Variants in DMD observed in about 807,000 individuals in gnomAD.
DMD encodes the protein mutant dystrophin.
In DMD, 63 loss-of-function variants were observed where a neutral mutation model predicts 330.1. The ratio of observed to expected loss-of-function variants is 0.19; its 90% CI spans 0.16 to 0.24. The LOEUF (loss-of-function observed/expected upper bound fraction) is 0.24. Ranked by LOEUF, DMD falls within the 10% of genes least tolerant of loss-of-function variation. The pLI, the probability that DMD is intolerant of heterozygous loss-of-function variation, is 1.00. For synonymous variants in DMD, 1,223 were observed against 959.8 expected (o/e 1.27, Z -5.07); for missense variants, 3,344 against 2,684.1 (o/e 1.25, Z -5.43).
intron 50 of DMD, among the ~76,000 whole-genome samples, chrX:31,801,209 A>G (rs1468720587): frequency 8.9e-6 from 1 of 111,734 alleles, no homozygotes; most frequent in Non-Finnish European, 1.9e-5. Context: ...ACTTACAATC[A>G]TGGAGGAAGG....
intron 17 of DMD, among the ~76,000 whole-genome samples, chrX:32,531,199 G>T (rs2047445876): frequency 9.0e-6 from 1 of 111,631 alleles, no homozygotes; most frequent in African/African-American, 3.3e-5. Context: ...CTGTTAAAAT[G>T]CCTTCAGCCA....
intron 7 of DMD, among the ~76,000 whole-genome samples, chrX:32,699,563 G>A (rs942688408): frequency 1.8e-5 from 2 of 111,422 alleles, no homozygotes; most frequent in Admixed American, 1.9e-4. Context: ...AAGTCAAATT[G>A]CCAAACTAGC....
At chrX:31,147,667 A>C in intron 74 of DMD, 149 bp from the exon 75 acceptor site, 1 of 458,778 alleles carries the variant, frequency 2.2e-6, no homozygotes, top group Non-Finnish European at 3.7e-6. Flanking sequence ...CAAAAGAGGC[A>C]CTAATGAATG....
Position 31,875,297 on chromosome X carries a change from A to G in DMD, c.6989T>C (p.Leu2330Pro), listed in dbSNP as rs1466856246. The change falls in exon 48 of 79, where the codon CTT (leucine) becomes CCT (proline). Residue 2330 changes from leucine (L) to proline (P), a missense_variant. Leu to Pro is a moderately conservative substitution (Grantham distance 98, BLOSUM62 -3). Coordinates refer to ENST00000357033, the MANE Select transcript of DMD (RefSeq NM_004006.3). The stretch of plus-strand genomic sequence containing the variant: ...ATTTAACTGCTCTTCAAGGTCTTCA[A>G]GCTTTTTTTCAAGCTGCCCAAGGTC... ...IKDLGQLEKK[L>P]EDLEEQLNHL... 8.3e-7 allele frequency: 1 copy of G among 1,208,364 alleles called. No individual in the cohort carries two copies. The highest frequency in any genetic ancestry group is 2.2e-5 in the Admixed American group (1 of 45,781).
chrX:32,572,470 G>C (rs962350691), intron 15 of DMD, among the ~76,000 whole-genome samples: 1 of 109,615 alleles, frequency 9.1e-6, no homozygotes, highest in African/African-American at 3.3e-5. Flanking sequence ...AATATGTCAC[G>C]TGAAAAATTA....
chrX:32,267,751 A>T (rs1368754578), intron 43 of DMD, among the ~76,000 whole-genome samples: 1 of 112,475 alleles, frequency 8.9e-6, no homozygotes, highest in Non-Finnish European at 1.9e-5. Flanking sequence ...TGGTGATAGT[A>T]AAAGACAAAT....
chrX:32,570,119 C>T (rs1488495256), intron 15 of DMD, among the ~76,000 whole-genome samples: 1 of 111,535 alleles, frequency 9.0e-6, no homozygotes, highest in African/African-American at 3.3e-5. Context: ...AAGCAGGACA[C>T]AATCCCATGG....
chrX:31,243,857 C>T (rs918364562), intron 63 of DMD, among the ~76,000 whole-genome samples: 1 of 112,242 alleles, frequency 8.9e-6, no homozygotes, highest in Admixed American at 9.4e-5. Context: ...AGGTGTTCCT[C>T]AAAGTCTTAC....
intron 51 of DMD, among the ~76,000 whole-genome samples, chrX:31,770,848 A>ATTAGTGCTAAG (rs57155830): frequency 0.29 from 32,134 of 110,510 alleles, 3,508 homozygotes; most frequent in East Asian, 0.45. Flanking sequence ...CTGGCATATC[A>ATTAGTGCTAAG]TATGTGTTAG....
chrX:32,272,030 A>C (rs1225007328), intron 43 of DMD, among the ~76,000 whole-genome samples: 1 of 111,795 alleles, frequency 8.9e-6, no homozygotes. Flanking sequence ...TGAACATCTA[A>C]CATGAAACCA....
At chrX:32,455,395 G>A (rs1569563302) in intron 25 of DMD, among the ~76,000 whole-genome samples, 1 of 111,203 alleles carries the variant, frequency 9.0e-6, no homozygotes, top group Non-Finnish European at 1.9e-5. Flanking sequence ...ATTGCAAATC[G>A]AAGTGAATTA....
intron 2 of DMD, among the ~76,000 whole-genome samples, chrX:32,952,118 G>C (rs745881590): frequency 1.4e-4 from 15 of 108,920 alleles, no homozygotes; most frequent in Admixed American, 7.9e-4. Context: ...GCCAGCATTT[G>C]TTCAGCTTCT....
At chrX:32,126,045 T>C (rs1192448222) in intron 44 of DMD, among the ~76,000 whole-genome samples, 1 of 111,895 alleles carries the variant, frequency 8.9e-6, no homozygotes, top group Non-Finnish European at 1.9e-5. Context: ...ATCCCCTTCC[T>C]GAGTGTTAGC....
chrX:32,696,061 C>T (rs1316963168), intron 9 of DMD, among the ~76,000 whole-genome samples: 3 of 111,832 alleles, frequency 2.7e-5, no homozygotes, highest in Non-Finnish European at 3.8e-5. Context: ...AGGGCATGCA[C>T]GTGTTTTCCA....
intron 54 of DMD, among the ~76,000 whole-genome samples, chrX:31,648,035 G>A (rs759075442): frequency 9.9e-5 from 11 of 111,623 alleles, no homozygotes; most frequent in Non-Finnish European, 2.1e-4. Context: ...GTTTTTTATT[G>A]AAAAGATAAA....
At chrX:33,168,126 T>C (rs2049152421) in intron 1 of DMD, among the ~76,000 whole-genome samples, 1 of 110,369 alleles carries the variant, frequency 9.1e-6, no homozygotes, top group Non-Finnish European at 1.9e-5. Context: ...TGTGTGTTTG[T>C]GTGTGTATAT....
At chrX:32,432,808 G>T (rs1278873475) in intron 29 of DMD, among the ~76,000 whole-genome samples, 1 of 111,783 alleles carries the variant, frequency 8.9e-6, no homozygotes, top group Non-Finnish European at 1.9e-5. Flanking sequence ...CTTCCGTTCT[G>T]GTCTATCTAT....
At chrX:31,393,822 A>G (rs754575662) in intron 60 of DMD, among the ~76,000 whole-genome samples, 22 of 112,313 alleles carry the variant, frequency 2.0e-4, no homozygotes, top group African/African-American at 7.1e-4. Context: ...GAAAATTTTC[A>G]GACTCTAAGC....
chrX:31,482,418 G>A (rs1346226998), intron 57 of DMD, among the ~76,000 whole-genome samples: 1 of 111,364 alleles, frequency 9.0e-6, no homozygotes, highest in Non-Finnish European at 1.9e-5. Context: ...AAGTTTAATG[G>A]GCAAACAGAG....
Sources: gnomAD v4.1 joint callset for allele counts (sites outside exome capture counted in the v4.1 genomes callset) on GRCh38, gnomAD v4.1.1 for gene constraint, MANE v1.5 for transcripts, NCBI Gene and HGNC (gene_info 2026-07-23, HGNC 2026-07-21) for gene names.